ZDHHC14: variants seen among roughly 807,000 people sequenced by gnomAD.
ZDHHC14 encodes palmitoyltransferase ZDHHC14.
ZDHHC14 carries 16 observed loss-of-function variants against 47.7 expected under a neutral mutation model. That is an observed-to-expected ratio of 0.34 (90% confidence interval 0.23 to 0.51). ZDHHC14 has a LOEUF of 0.51. Among genes scored for constraint, ZDHHC14 ranks in the 20% least tolerant of loss-of-function variants. The probability of loss-of-function intolerance (pLI) is 0.97; values close to 1 mark genes in which losing one functional copy is unlikely to be tolerated. For synonymous variants in ZDHHC14, 293 were observed against 278.9 expected (o/e 1.05, Z -0.50); for missense variants, 515 against 662.5 (o/e 0.78, Z 2.44).
chr6:157,489,559 C>T (rs993541778), intron 1 of ZDHHC14, among the ~76,000 whole-genome samples: 6 of 136,780 alleles, frequency 4.4e-5, no homozygotes, highest in African/African-American at 1.6e-4. Flanking sequence ...GGTGCAGTCT[C>T]GATTCTGAAT....
At chr6:157,629,109 A>T (rs1785556898) in intron 4 of ZDHHC14, among the ~76,000 whole-genome samples, 1 of 152,280 alleles carries the variant, frequency 6.6e-6, no homozygotes, top group Non-Finnish European at 1.5e-5. Context: ...ATTAAAAATT[A>T]GATTTGGAAA....
At chr6:157,513,093 C>T (rs545438734) in intron 1 of ZDHHC14, among the ~76,000 whole-genome samples, 7 of 152,348 alleles carry the variant, frequency 4.6e-5, no homozygotes, top group South Asian at 4.1e-4. Context: ...TCTGCATAAA[C>T]GTCTGGCAAA....
At chr6:157,436,659 C>T (rs1267647603) in intron 1 of ZDHHC14, among the ~76,000 whole-genome samples, 1 of 152,012 alleles carries the variant, frequency 6.6e-6, no homozygotes, top group South Asian at 2.1e-4. Flanking sequence ...GAGAGGTCTG[C>T]GGGACTTGGC....
intron 1 of ZDHHC14, among the ~76,000 whole-genome samples, chr6:157,531,178 G>C (rs1781349892): frequency 6.6e-6 from 1 of 152,124 alleles, no homozygotes; most frequent in South Asian, 2.1e-4. Context: ...TCCCGGGTCT[G>C]CTCTGATGAT....
At chr6:157,400,669 G>A (rs186217805) in intron 1 of ZDHHC14, among the ~76,000 whole-genome samples, 2 of 152,148 alleles carry the variant, frequency 1.3e-5, no homozygotes, top group African/African-American at 2.4e-5. Context: ...TGGATGTCAG[G>A]ATGCCTCGTA....
chr6:157,473,548 C>T (rs548280507), intron 1 of ZDHHC14, among the ~76,000 whole-genome samples: 8 of 152,210 alleles, frequency 5.3e-5, no homozygotes, highest in South Asian at 4.1e-4. Context: ...CCAAAATGCA[C>T]GGGACTAGAA....
At chr6:157,653,097 G>A (rs1777915509) in intron 7 of ZDHHC14, among the ~76,000 whole-genome samples, 1 of 152,214 alleles carries the variant, frequency 6.6e-6, no homozygotes, top group South Asian at 2.1e-4. Context: ...CCACGTGGCA[G>A]GCGGTCATTT....
intron 1 of ZDHHC14, among the ~76,000 whole-genome samples, chr6:157,458,580 C>T (rs1778984278): frequency 6.6e-6 from 1 of 152,060 alleles, no homozygotes; most frequent in Non-Finnish European, 1.5e-5. Context: ...GGATAGACCA[C>T]AGGAGTTCTC....
In ZDHHC14 at chr6:157,653,528, G is replaced by T; in HGVS notation, c.969G>T (p.Leu323=). 3 of 1,613,698 alleles carry T rather than the reference G, an allele frequency of 1.9e-6. No homozygotes were observed. The highest frequency in any genetic ancestry group is 1.1e-5 in the South Asian group (1 of 91,074). ...VALCGPISPS[L]IDRRGYIQPD... ...TGTGTTTTCTTTTCTCTCGCAGCCTGATCGACAGAAGAGGGTACATCCAGC... is the reference window on the plus strand; with the variant it reads ...TGTGTTTTCTTTTCTCTCGCAGCCTTATCGACAGAAGAGGGTACATCCAGC... Residue 323 remains leucine (L), a synonymous_variant, in exon 8 of 9, where the codon CTG becomes CTT. Transcript: ENST00000359775.
chr6:157,537,305 T>C (rs1267982115), intron 1 of ZDHHC14, among the ~76,000 whole-genome samples: 2 of 151,910 alleles, frequency 1.3e-5, no homozygotes, highest in African/African-American at 2.4e-5. Context: ...TGAAAAAAAT[T>C]CCATATAATC....
At chr6:157,583,849 T>C (rs894395750) in intron 2 of ZDHHC14, among the ~76,000 whole-genome samples, 1 of 152,046 alleles carries the variant, frequency 6.6e-6, no homozygotes, top group Non-Finnish European at 1.5e-5. Flanking sequence ...CAGAGGGCCT[T>C]TCACTTCTGT....
chr6:157,611,355 G>A (rs187327356), intron 3 of ZDHHC14, among the ~76,000 whole-genome samples: 144 of 152,220 alleles, frequency 9.5e-4, no homozygotes, highest in African/African-American at 2.9e-3. Flanking sequence ...AAAATAATGC[G>A]TCTAACGTAA....
chr6:157,576,116 G>A (rs1783300270), intron 2 of ZDHHC14, among the ~76,000 whole-genome samples: 2 of 152,296 alleles, frequency 1.3e-5, no homozygotes, highest in Admixed American at 1.3e-4. Flanking sequence ...GCCCAAATGA[G>A]CCCTTCCTCA....
At chr6:157,552,258 G>A (rs1782263436) in intron 2 of ZDHHC14, among the ~76,000 whole-genome samples, 2 of 152,112 alleles carry the variant, frequency 1.3e-5, no homozygotes, top group Non-Finnish European at 2.9e-5. Context: ...GCTCTTTTGA[G>A]TGAGTGAGGG....
chr6:157,573,178 T>C lies in ZDHHC14; in HGVS notation c.407-19810T>C, dbSNP rs985976536. ...CCCTTTCTTTCGGCCCCACTCCCCTTTCATCTTTCCCACCACTTACACCCT... is the reference window on the plus strand; with the variant it reads ...CCCTTTCTTTCGGCCCCACTCCCCTCTCATCTTTCCCACCACTTACACCCT... On this transcript the variant is annotated intron_variant, in intron 2 of 8. Transcript: ENST00000359775. 2.0e-5 allele frequency among the ~76,000 whole-genome samples: 3 copies of C among 152,108 alleles called. No homozygotes were observed. In the East Asian group the frequency reaches 5.8e-4, roughly 29 times the overall value.
intron 2 of ZDHHC14, among the ~76,000 whole-genome samples, chr6:157,561,648 G>C (rs948099561): frequency 1.6e-4 from 24 of 152,124 alleles, no homozygotes; most frequent in African/African-American, 5.8e-4. Context: ...CAGACCTCTT[G>C]AATTGTTGAG....
At chr6:157,496,786 A>T (rs976975688) in intron 1 of ZDHHC14, among the ~76,000 whole-genome samples, 7 of 152,164 alleles carry the variant, frequency 4.6e-5, no homozygotes, top group African/African-American at 1.7e-4. Context: ...GTTTTCAGTC[A>T]CCCAGTTTGA....
chr6:157,637,512 C>T (rs1426176905), intron 5 of ZDHHC14, among the ~76,000 whole-genome samples: 2 of 152,150 alleles, frequency 1.3e-5, no homozygotes, highest in African/African-American at 4.8e-5. Flanking sequence ...CTCATAAAAG[C>T]CGTCCTTTGA....
In ZDHHC14 at chr6:157,583,498, T is replaced by TG. The variant is rs764863731; in HGVS notation, c.407-9490_407-9489insG. ...GTATATTACCAAAGGTGTTTTTTTT[T>TG]TTGTTGGTTCGTTTGTTTTGTTGTT... On this transcript the variant is annotated intron_variant, in intron 2 of 8. Coordinates refer to ENST00000359775, the MANE Select transcript of ZDHHC14 (RefSeq NM_024630.3). 1.4e-4 allele frequency among the ~76,000 whole-genome samples: 21 copies of TG among 152,058 alleles called. No individual in the cohort carries two copies. In the South Asian group the frequency reaches 1.9e-3, roughly 14 times the overall value.
Sources: gnomAD v4.1 joint callset for allele counts (sites outside exome capture counted in the v4.1 genomes callset) on GRCh38, gnomAD v4.1.1 for gene constraint, MANE v1.5 for transcripts, NCBI Gene and HGNC (gene_info 2026-07-23, HGNC 2026-07-21) for gene names.